The following ROBO1 variants were observed in gnomAD, a reference collection of about 807,000 sequenced individuals.
ROBO1 encodes the protein roundabout guidance receptor 1, also known as roundabout homolog 1.
In ROBO1, 149 loss-of-function variants were observed where a neutral mutation model predicts 195.9. That is an observed-to-expected ratio of 0.76 (90% confidence interval 0.67 to 0.87). The LOEUF is 0.87. Ranked by LOEUF, ROBO1 falls within the 40% of genes least tolerant of loss-of-function variation. The pLI is 0.00. For missense variants in ROBO1, 1,933 were observed against 2,068.3 expected (o/e 0.93, Z 1.27); for synonymous variants, 816 against 733.2 (o/e 1.11, Z -1.82).
chr3:79,416,950 T>C (rs1199821872), intron 2 of ROBO1, among the ~76,000 whole-genome samples: 1 of 152,168 alleles, frequency 6.6e-6, no homozygotes, highest in Non-Finnish European at 1.5e-5. Context: ...TCATTCATAA[T>C]TTCTCAGTTA....
At chr3:78,638,290 G>T (rs1262375627) in intron 22 of ROBO1, among the ~76,000 whole-genome samples, 1 of 139,238 alleles carries the variant, frequency 7.2e-6, no homozygotes, top group Non-Finnish European at 1.6e-5. Context: ...CTTACATATA[G>T]GTGTATATAC....
intron 2 of ROBO1, among the ~76,000 whole-genome samples, chr3:79,279,575 T>C (rs553508765): frequency 6.6e-6 from 1 of 152,130 alleles, no homozygotes; most frequent in South Asian, 2.1e-4. Flanking sequence ...CAAATACAAG[T>C]ACCATGTGAT....
rs150992815 is a variant in ROBO1, at chr3:79,358,076, G to T, written c.88+231748C>A. 2.4e-3 allele frequency among the ~76,000 whole-genome samples: 368 copies of T among 152,082 alleles called. 3 individuals are homozygous for T. The highest frequency in any genetic ancestry group is 8.5e-3 in the African/African-American group (352 of 41,524). On this transcript the variant is annotated intron_variant, in intron 2 of 30. Coordinates refer to ENST00000464233, the MANE Select transcript of ROBO1 (RefSeq NM_002941.4). ...CATGATCTCTGGAGCTGACTTTCTT[G>T]GTTTAAATTCTGGCTTCGTCACTTA... is the stretch of plus-strand genomic sequence containing the variant.
At chr3:79,575,589 T>C (rs1240665416) in intron 2 of ROBO1, among the ~76,000 whole-genome samples, 1 of 142,822 alleles carries the variant, frequency 7.0e-6, no homozygotes, top group Admixed American at 7.3e-5. Flanking sequence ...AAATTTTATA[T>C]ATATATATAA....
chr3:78,838,724 G>A (rs1027252648), intron 4 of ROBO1, among the ~76,000 whole-genome samples: 4 of 152,116 alleles, frequency 2.6e-5, no homozygotes, highest in Admixed American at 2.0e-4. Flanking sequence ...CCAACAATGG[G>A]ATCAAAGTCC....
At chr3:79,645,093 C>T (rs1159470332) in intron 1 of ROBO1, among the ~76,000 whole-genome samples, 2 of 152,004 alleles carry the variant, frequency 1.3e-5, no homozygotes, top group Non-Finnish European at 2.9e-5. Context: ...GCAACACATG[C>T]CTACATAAAA....
intron 2 of ROBO1, among the ~76,000 whole-genome samples, chr3:79,513,904 A>G (rs926887328): frequency 2.0e-5 from 3 of 152,214 alleles, no homozygotes; most frequent in African/African-American, 7.2e-5. Flanking sequence ...TTATCCTTTT[A>G]TTTCCAAAGT....
At chr3:79,488,268 T>A (rs1234917586) in intron 2 of ROBO1, among the ~76,000 whole-genome samples, 1 of 152,172 alleles carries the variant, frequency 6.6e-6, no homozygotes, top group East Asian at 1.9e-4. Context: ...TATCCAATAT[T>A]CTCTGTCTCT....
At chr3:78,699,836 C>A (rs2081381728) in intron 8 of ROBO1, among the ~76,000 whole-genome samples, 1 of 151,800 alleles carries the variant, frequency 6.6e-6, no homozygotes, top group South Asian at 2.1e-4. Context: ...TTATACTGTA[C>A]CCTGGAATCT....
At chr3:78,945,263 A>AC (rs1365740232) in intron 3 of ROBO1, among the ~76,000 whole-genome samples, 6 of 151,900 alleles carry the variant, frequency 3.9e-5, no homozygotes, top group Non-Finnish European at 5.9e-5. Context: ...ACTGGGAGGC[A>AC]CCCCCCAGTA....
chr3:79,358,274 T>C (rs1489852017), intron 2 of ROBO1, among the ~76,000 whole-genome samples: 1 of 152,132 alleles, frequency 6.6e-6, no homozygotes, highest in African/African-American at 2.4e-5. Flanking sequence ...TCATTACATA[T>C]AGATACGGCT....
At chr3:78,673,236 T>C (rs1708168675) in intron 10 of ROBO1, among the ~76,000 whole-genome samples, 1 of 151,746 alleles carries the variant, frequency 6.6e-6, no homozygotes, top group Admixed American at 6.6e-5. Context: ...TTGAAATTGT[T>C]CATGTGTGAA....
intron 3 of ROBO1, among the ~76,000 whole-genome samples, chr3:79,108,420 A>G (rs1000039034): frequency 6.6e-6 from 1 of 151,806 alleles, no homozygotes; most frequent in Non-Finnish European, 1.5e-5. Flanking sequence ...TAGCACATTC[A>G]TACCAGTACT....
At chr3:78,953,686 AT>A (rs959778562) in intron 3 of ROBO1, among the ~76,000 whole-genome samples, 3 of 152,014 alleles carry the variant, frequency 2.0e-5, no homozygotes, top group Non-Finnish European at 4.4e-5. Context: ...GGGGAAAGTA[AT>A]TAAAACTAGA....
At chr3:78,721,605 G>A (rs985153341) in intron 5 of ROBO1, among the ~76,000 whole-genome samples, 3 of 152,156 alleles carry the variant, frequency 2.0e-5, no homozygotes, top group Admixed American at 6.5e-5. Context: ...TGTTTTAAGA[G>A]TGAGTAAGTG....
intron 3 of ROBO1, among the ~76,000 whole-genome samples, chr3:79,058,236 G>A (rs1267263842): frequency 6.6e-6 from 1 of 151,988 alleles, no homozygotes; most frequent in Non-Finnish European, 1.5e-5. Flanking sequence ...AATAGACATG[G>A]CACCAAAGGG....
intron 2 of ROBO1, among the ~76,000 whole-genome samples, chr3:79,259,883 A>T (rs2082907581): frequency 6.6e-6 from 1 of 152,192 alleles, no homozygotes; most frequent in Non-Finnish European, 1.5e-5. Context: ...TGTTCAAAAG[A>T]ACTTTTTCAA....
chr3:79,438,301 C>T (rs2038951043), intron 2 of ROBO1, among the ~76,000 whole-genome samples: 1 of 151,838 alleles, frequency 6.6e-6, no homozygotes, highest in Admixed American at 6.6e-5. Flanking sequence ...ATACTGCCAA[C>T]CAAAATGTCT....
At chr3:78,952,105 T>C (rs2040823001) in intron 3 of ROBO1, among the ~76,000 whole-genome samples, 1 of 151,606 alleles carries the variant, frequency 6.6e-6, no homozygotes, top group Non-Finnish European at 1.5e-5. Flanking sequence ...ATTTATTTTA[T>C]TAGTAGTTTT....
Sources: allele counts gnomAD v4.1 joint callset (sites outside exome capture counted in the v4.1 genomes callset), GRCh38; gene constraint gnomAD v4.1.1; transcripts MANE v1.5; gene names NCBI Gene and HGNC (gene_info 2026-07-23, HGNC 2026-07-21).